Variants in ACTA2 observed in about 807,000 individuals in gnomAD.
The protein encoded by ACTA2 is actin, aortic smooth muscle.
ACTA2 carries 12 observed loss-of-function variants against 39.5 expected under a neutral mutation model. The ratio of observed to expected loss-of-function variants is 0.30; its 90% confidence interval spans 0.19 to 0.49. ACTA2 has a LOEUF of 0.49. ACTA2 is among the 20% of genes least tolerant of loss of function. The pLI is 0.99. For missense variants in ACTA2, 236 were observed against 498.8 expected (o/e 0.47, Z 5.02); for synonymous variants, 158 against 180.6 (o/e 0.88, Z 1.00).
chr10:88,949,124 A>C (rs543622762), intron 1 of ACTA2, among the ~76,000 whole-genome samples, 171 bp from the exon 2 acceptor site: 126 of 152,326 alleles, frequency 8.3e-4, no homozygotes, highest in African/African-American at 2.9e-3. Context: ...GTTACACTAT[A>C]AGCTTTCAGT....
At chr10:88,976,301 C>T (rs991224755) in intron 1 of ACTA2, among the ~76,000 whole-genome samples, 4 of 152,102 alleles carry the variant, frequency 2.6e-5, no homozygotes, top group East Asian at 1.9e-4. Flanking sequence ...ATGTGGCCCA[C>T]GGGCCGTGGG....
intron 1 of ACTA2, among the ~76,000 whole-genome samples, chr10:88,983,638 AAC>A (rs755182708): frequency 0.034 from 3,503 of 102,752 alleles, 231 homozygotes; most frequent in African/African-American, 0.14. Context: ...AAAAAAAAAA[AAC>A]ACACACACAC....
Position 88,990,736 on chromosome 10 carries a change from A to T in ACTA2, c.-24+203T>A, listed in dbSNP as rs773950456. 1 of 980,934 alleles carries T rather than the reference A, an allele frequency of 1.0e-6. No homozygotes were observed. The highest frequency in any genetic ancestry group is 1.6e-6 in the Non-Finnish European group (1 of 622,792). The allele number at this position is 980,934 out of a possible 1,614,324, so 60.8% of individuals were successfully genotyped here. On this transcript the variant is annotated intron_variant, in intron 1 of 4. Transcript: ENST00000415557. The surrounding 1 kb of genome is among the most constrained non-coding windows in gnomAD (Gnocchi z 4.9). ...TTACGAGTGACTTGGCTGGAGCCTCAGGGGCGGGCACTGGCACGGAACACA... is the reference window on the plus strand; with the variant it reads ...TTACGAGTGACTTGGCTGGAGCCTCTGGGGCGGGCACTGGCACGGAACACA...
At chr10:88,981,837 C>T (rs1197051981) in intron 1 of ACTA2, among the ~76,000 whole-genome samples, 1 of 152,200 alleles carries the variant, frequency 6.6e-6, no homozygotes, top group Non-Finnish European at 1.5e-5. Flanking sequence ...GGCAAACCGT[C>T]CCATTCACTA....
chr10:88,991,296 G>A (rs1025301940), exon 1 of ACTA2: 70 of 401,494 alleles, frequency 1.7e-4, no homozygotes, highest in Middle Eastern at 7.4e-4. Context: ...TTGGAGAGAG[G>A]AGCGGAACTC....
At chr10:88,989,487 C>T in intron 1 of ACTA2, 3 of 543,908 alleles carry the variant, frequency 5.5e-6, no homozygotes, top group Non-Finnish European at 1.1e-5. Flanking sequence ...AGTGTGTGCA[C>T]AAGGCTGGCA....
intron 4 of ACTA2, among the ~76,000 whole-genome samples, chr10:88,942,787 C>A (rs1304306723): frequency 6.6e-6 from 1 of 151,366 alleles, no homozygotes; most frequent in Non-Finnish European, 1.5e-5. Flanking sequence ...AACAATAATT[C>A]ATCAGAAGCA....
Position 88,990,782 on chromosome 10 carries a change from G to A in ACTA2, c.-24+157C>T, listed in dbSNP as rs2274355. 10,860 of 1,541,802 alleles carry A rather than the reference G, an allele frequency of 7.0e-3. 568 individuals carry two copies. The African/African-American group carries it at 0.12, about 17-fold the overall frequency. ...ACACACCCTGAGGCCAGCCCTGGCT[G>A]CCCAGGCGGAGCTGCCTCTTCTCCC... is the stretch of plus-strand genomic sequence containing the variant. On this transcript the variant is annotated intron_variant, in intron 1 of 4. Transcript: ENST00000415557. The surrounding 1 kb of genome is among the most constrained non-coding windows in gnomAD (Gnocchi z 4.9).
chr10:88,963,504 A>G (rs1846271138), intron 1 of ACTA2, among the ~76,000 whole-genome samples: 1 of 149,276 alleles, frequency 6.7e-6, no homozygotes, highest in Non-Finnish European at 1.5e-5. Flanking sequence ...TTATTTAGTC[A>G]AGACATTTTT....
intron 1 of ACTA2, among the ~76,000 whole-genome samples, chr10:88,981,469 G>C (rs183542310): frequency 3.5e-4 from 53 of 152,094 alleles, no homozygotes; most frequent in African/African-American, 1.3e-3. Context: ...AGGAAAAGTT[G>C]ATAGTAAATT....
intron 1 of ACTA2, among the ~76,000 whole-genome samples, chr10:88,967,781 G>A (rs1051654935): frequency 2.0e-4 from 30 of 152,298 alleles, no homozygotes; most frequent in African/African-American, 7.2e-4. Flanking sequence ...CAGAATAAAT[G>A]ATGGCTCACA....
rs56220100 is a variant in ACTA2 at position 88,990,530 on chromosome 10, C to T, written c.-24+409G>A. The T allele has an allele frequency of 3.5e-3, 2,147 of 612,960 alleles. 8 individuals are homozygous for T. Among genetic ancestry groups the T allele is most frequent in the Admixed American group, 5.3e-3 (250 of 47,112 alleles). 38.0% of individuals were successfully genotyped at this position (612,960 alleles called of 1,614,324 possible). ...CTTCCTCACCCTGACTTCTCCCCCT[C>T]CCTACCCGCGCGCAGGCCAAGTTGC... On this transcript the variant is annotated intron_variant, in intron 1 of 4. Transcript: ENST00000415557. This position sits in a 1 kb window ranked among gnomAD's most constrained non-coding sequence, Gnocchi z 4.9.
At chr10:88,965,796 T>C (rs1345919289) in intron 1 of ACTA2, among the ~76,000 whole-genome samples, 1 of 152,170 alleles carries the variant, frequency 6.6e-6, no homozygotes, top group Non-Finnish European at 1.5e-5. Context: ...GTCAATTTTA[T>C]GATCCACTGC....
intron 1 of ACTA2, chr10:88,974,653 G>C (rs1351159448): frequency 2.6e-5 from 4 of 152,178 alleles, no homozygotes; most frequent in African/African-American, 9.7e-5. Flanking sequence ...TGCCTGGCTA[G>C]TTAATGGTTA....
upstream of ACTA2, among the ~76,000 whole-genome samples, chr10:88,957,078 T>G (rs1846149347): frequency 1.3e-5 from 2 of 152,124 alleles, no homozygotes; most frequent in South Asian, 4.1e-4. Context: ...CATATTAAGA[T>G]CGTAGCAGAC....
intron 1 of ACTA2, chr10:88,975,188 A>G (rs1846534460): frequency 6.6e-6 from 1 of 152,070 alleles, no homozygotes; most frequent in South Asian, 2.1e-4. Flanking sequence ...AGAGCAAACA[A>G]TGATACTGCC....
chr10:88,967,133 G>A (rs1846332696), intron 1 of ACTA2, among the ~76,000 whole-genome samples: 1 of 152,146 alleles, frequency 6.6e-6, no homozygotes, highest in Admixed American at 6.5e-5. Flanking sequence ...TTTAAAAGCT[G>A]CAACTTGGAA....
upstream of ACTA2, among the ~76,000 whole-genome samples, chr10:88,957,658 C>T (rs1329656652): frequency 6.6e-6 from 1 of 152,098 alleles, no homozygotes; most frequent in Admixed American, 6.6e-5. Context: ...ACAGTATTTC[C>T]CCCTTGTACT....
At chr10:88,973,409 CA>C in intron 1 of ACTA2, 1 of 1,307,146 alleles carries the variant, frequency 7.7e-7, no homozygotes, top group Non-Finnish European at 1.0e-6. Flanking sequence ...CCGATGAAAA[CA>C]ACTCTTTCTT....
Sources: allele counts gnomAD v4.1 joint callset (sites outside exome capture counted in the v4.1 genomes callset), GRCh38; gene constraint gnomAD v4.1.1; non-coding constraint Gnocchi (gnomAD v3.1); transcripts MANE v1.5; gene names NCBI Gene and HGNC (gene_info 2026-07-23, HGNC 2026-07-21).